The following HTATSF1 variants were observed in gnomAD, a reference collection of about 807,000 sequenced individuals.
HTATSF1 encodes 17S U2 SnRNP complex component HTATSF1.
Under a neutral mutation model 46.1 loss-of-function variants are expected in HTATSF1, and 6 were observed. The observed-to-expected ratio is 0.13, with a 90% CI of 0.07 to 0.26. The LOEUF (loss-of-function observed/expected upper bound fraction) is 0.26. Among genes scored for constraint, HTATSF1 ranks in the 10% least tolerant of loss-of-function variants. The pLI is 1.00. For missense variants in HTATSF1, 452 were observed against 559.9 expected (o/e 0.81, Z 1.94); for synonymous variants, 226 against 211.5 (o/e 1.07, Z -0.60).
chrX:136,504,487 T>C (rs1169439261), intron 6 of HTATSF1, 24 bp downstream of exon 6: 3 of 1,115,341 alleles, frequency 2.7e-6, no homozygotes, highest in Non-Finnish European at 3.7e-6. Context: ...TGCTTACTGA[T>C]AGAAATGCTG....
At chrX:136,505,822 A>G (rs1475136338) in intron 6 of HTATSF1, among the ~76,000 whole-genome samples, 1 of 111,875 alleles carries the variant, frequency 8.9e-6, no homozygotes. Context: ...AAAGAACCAG[A>G]TCATAGTCAT....
At chrX:136,507,664 A>C (rs2075748643) in intron 6 of HTATSF1, among the ~76,000 whole-genome samples, 2 of 111,681 alleles carry the variant, frequency 1.8e-5, no homozygotes, top group South Asian at 7.4e-4. Context: ...AAAGTTGTTA[A>C]ACATGTTGAC....
At chrX:136,507,576 AAG>A (rs955101499) in intron 6 of HTATSF1, among the ~76,000 whole-genome samples, 1 of 109,925 alleles carries the variant, frequency 9.1e-6, no homozygotes, top group Non-Finnish European at 1.9e-5. Context: ...AAAAAAAAGA[AAG>A]AAAGCAAAGC....
rs2075697906 is a variant in HTATSF1, at chrX:136,497,609, C to A, written c.-76C>A. Reference sequence around the variant, plus strand: ...GCGCGAGCAGAGCGCGGTTGACCTCCCTTTCTCTGCTCAGCTCCAGCGTCA... The same window carrying A: ...GCGCGAGCAGAGCGCGGTTGACCTCACTTTCTCTGCTCAGCTCCAGCGTCA... On this transcript the variant is annotated 5_prime_UTR_variant, in exon 1 of 9. Transcript: ENST00000218364. 1.1e-6 allele frequency: 1 copy of A among 931,052 alleles called. No homozygotes were observed. The highest frequency in any genetic ancestry group is 3.1e-5 in the South Asian group (1 of 32,158). 76.7% of individuals were successfully genotyped at this position (931,052 alleles called of 1,213,427 possible).
At chrX:136,509,932 C>A in intron 7 of HTATSF1, 150 bp from the exon 8 acceptor site, 1 of 470,440 alleles carries the variant, frequency 2.1e-6, no homozygotes, top group Non-Finnish European at 3.4e-6. Flanking sequence ...ACGTGACTGG[C>A]TGGGATAAAA....
chrX:136,508,363 T>C (rs2075752104), intron 6 of HTATSF1, among the ~76,000 whole-genome samples: 1 of 112,206 alleles, frequency 8.9e-6, no homozygotes, highest in Non-Finnish European at 1.9e-5. Context: ...GGAGAGAGAT[T>C]TGTTAATTCC....
intron 6 of HTATSF1, among the ~76,000 whole-genome samples, chrX:136,504,960 T>TA (rs1215031776): frequency 1.8e-5 from 2 of 112,234 alleles, no homozygotes; most frequent in Non-Finnish European, 3.8e-5. Context: ...TAAGTGATTT[T>TA]AAAAAAAGTT....
At chrX:136,507,933 T>C (rs909444146) in intron 6 of HTATSF1, among the ~76,000 whole-genome samples, 13 of 112,194 alleles carry the variant, frequency 1.2e-4, no homozygotes, top group African/African-American at 2.3e-4. Flanking sequence ...CTACTCCTTA[T>C]TCTTCTCAGG....
At chrX:136,510,024 A>G (rs768062153) in intron 7 of HTATSF1, 58 bp from the exon 8 acceptor site, 11 of 1,061,097 alleles carry the variant, frequency 1.0e-5, no homozygotes, top group Admixed American at 2.4e-5. Flanking sequence ...TGTGAAATGT[A>G]TGTGTTTTAT....
At chrX:136,504,098 T>C (rs1209905738) in intron 5 of HTATSF1, among the ~76,000 whole-genome samples, 2 of 111,462 alleles carry the variant, frequency 1.8e-5, no homozygotes, top group Non-Finnish European at 3.8e-5. Context: ...CTTGAACTCC[T>C]GGCCTCAAGT....
chrX:136,500,566 T>C, intron 3 of HTATSF1, 98 bp from the exon 4 acceptor site: 1 of 544,385 alleles, frequency 1.8e-6, no homozygotes, highest in Non-Finnish European at 2.9e-6. Context: ...AAATCAACAT[T>C]GCATTCACCT....
chrX:136,499,895 T>C, intron 2 of HTATSF1, 117 bp downstream of exon 2: 1 of 561,367 alleles, frequency 1.8e-6, no homozygotes, highest in East Asian at 3.8e-5. Context: ...GAGTTTTTTC[T>C]TTAAGGTAGT....
At chrX:136,499,529 A>G in intron 1 of HTATSF1, 69 bp from the exon 2 acceptor site, 1 of 869,549 alleles carries the variant, frequency 1.2e-6, no homozygotes, top group East Asian at 3.5e-5. Context: ...TAAAAACACA[A>G]TTTAAACTTC....
At position 136,511,552 on chromosome X, in the gene HTATSF1, G is replaced by A. The variant is rs1231666802; in HGVS notation, c.1807G>A (p.Glu603Lys). ...AAATGACTCTGAAAACTCCGAATTT[G>A]AAGATGACGGCTCTGAAAAAGTGTT... is the stretch of plus-strand genomic sequence containing the variant. ...EENDSENSEFEDDGSEKVLDE... is the reference protein window; with the variant it reads ...EENDSENSEFKDDGSEKVLDE... Residue 603 changes from glutamate to lysine, a missense_variant, in exon 9 of 9, where the codon GAA (glutamate) becomes AAA (lysine). Transcript: ENST00000218364. 9 of 1,211,210 alleles carry A rather than the reference G, an allele frequency of 7.4e-6. No homozygotes were observed. Among genetic ancestry groups the A allele is most frequent in the Non-Finnish European group, 1.0e-5 (9 of 895,258 alleles).
intron 4 of HTATSF1, among the ~76,000 whole-genome samples, chrX:136,501,980 T>C (rs2075720370): frequency 8.9e-6 from 1 of 111,789 alleles, no homozygotes; most frequent in Admixed American, 9.5e-5. Context: ...AGTACAAGAT[T>C]GTCAAAACAG....
At chrX:136,506,433 C>T (rs1347235814) in intron 6 of HTATSF1, among the ~76,000 whole-genome samples, 1 of 109,728 alleles carries the variant, frequency 9.1e-6, no homozygotes, top group African/African-American at 3.3e-5. Flanking sequence ...TCCATGACAC[C>T]CAGTATTTTG....
At position 136,500,264 on chromosome X, in the gene HTATSF1, A is replaced by G. The variant is rs200269106; in HGVS notation, c.415+59A>G. 4.4e-5 allele frequency: 34 copies of G among 771,463 alleles called. No homozygotes were observed. In the East Asian group the frequency reaches 1.1e-3, roughly 25 times the overall value. The allele number at this position is 771,463 out of a possible 1,213,427, so 63.6% of individuals were successfully genotyped here. On this transcript the variant is annotated intron_variant, in intron 3 of 8. Coordinates refer to ENST00000218364, the MANE Select transcript of HTATSF1 (RefSeq NM_014500.5). ...GAAATACTTAATTTTGAGATTTTTC[A>G]CGAAGTGATTTTTAGCTTTCAGTTT...
rs2075697964 is a variant in HTATSF1 at position 136,497,610 on chromosome X, C to CT, written c.-72dup. On this transcript the variant is annotated 5_prime_UTR_variant, in exon 1 of 9. Coordinates refer to ENST00000218364, the MANE Select transcript of HTATSF1 (RefSeq NM_014500.5). ...CGCGAGCAGAGCGCGGTTGACCTCC[C>CT]TTTCTCTGCTCAGCTCCAGCGTCAT... 2 of 944,096 alleles carry CT rather than the reference C, an allele frequency of 2.1e-6. No homozygotes were observed. Among genetic ancestry groups the CT allele is most frequent in the African/African-American group, 3.9e-5 (2 of 50,916 alleles). 77.8% of individuals were successfully genotyped at this position (944,096 alleles called of 1,213,427 possible). A position where few individuals can be genotyped will look rare whatever the true frequency, so the allele number is the denominator to read the frequency against.
chrX:136,497,551 G>T (rs775402470), upstream of HTATSF1: 2 of 450,986 alleles, frequency 4.4e-6, no homozygotes, highest in Non-Finnish European at 7.0e-6. Flanking sequence ...GACTGCTGGG[G>T]CGCAGCGGGG....
Sources: gnomAD v4.1 joint callset for allele counts (sites outside exome capture counted in the v4.1 genomes callset) on GRCh38, gnomAD v4.1.1 for gene constraint, MANE v1.5 for transcripts, NCBI Gene and HGNC (gene_info 2026-07-23, HGNC 2026-07-21) for gene names.